The following RDH10 variants were observed in gnomAD, a reference collection of about 807,000 sequenced individuals.
The protein encoded by RDH10 is retinol dehydrogenase 10 (all-trans).
In RDH10, 12 loss-of-function variants were observed where a neutral mutation model predicts 30.2. That is an observed-to-expected ratio of 0.40 (90% CI 0.25 to 0.64). RDH10 has a LOEUF of 0.64. RDH10 is among the 30% of genes least tolerant of loss of function. The pLI is 0.43. For missense variants in RDH10, 268 were observed against 445.2 expected (o/e 0.60, Z 3.58); for synonymous variants, 189 against 172.2 (o/e 1.10, Z -0.76).
intron 2 of RDH10, among the ~76,000 whole-genome samples, chr8:73,299,563 AG>A (rs1402225081): frequency 6.6e-6 from 1 of 152,254 alleles, no homozygotes; most frequent in Non-Finnish European, 1.5e-5. Context: ...CACTATCAGT[AG>A]GTTCATTATG....
rs140208533 is a variant in RDH10 at position 73,309,355 on chromosome 8, G to T, written c.526-9741G>T. Among the ~76,000 whole-genome samples the T allele has an allele frequency of 4.7e-3, 713 of 152,222 alleles. 5 individuals carry two copies. Among genetic ancestry groups the T allele is most frequent in the South Asian group, 0.016 (77 of 4,818 alleles). On this transcript the variant is annotated intron_variant, in intron 2 of 5. Coordinates refer to ENST00000240285, the MANE Select transcript of RDH10 (RefSeq NM_172037.5). ...GTATATTTGTTGTCCTTAAAAGGAA[G>T]TTTTCTTTTTTCAGTTCTCATAATT... is the stretch of plus-strand genomic sequence containing the variant.
chr8:73,316,643 G>A (rs1302533687), intron 2 of RDH10, among the ~76,000 whole-genome samples: 2 of 152,122 alleles, frequency 1.3e-5, no homozygotes, highest in Non-Finnish European at 2.9e-5. Flanking sequence ...ACAGAAATAC[G>A]TGAGACTGGG....
In RDH10 at chr8:73,295,445, C is replaced by G. The variant is rs755300818; in HGVS notation, c.156C>G (p.Phe52Leu). The G allele has an allele frequency of 1.0e-5, 16 of 1,550,306 alleles. No individual in the cohort carries two copies. The highest frequency in any genetic ancestry group is 1.3e-5 in the Non-Finnish European group (15 of 1,148,552). ...CCGGCAGCGGCCTGGGCCGCCTCTT[C>G]GCGCTGGAGTTCGCCCGGCGTCGGG... ...TGAGSGLGRL[F>L]ALEFARRRAL... Residue 52 changes from phenylalanine (F) to leucine (L), a missense_variant, in exon 1 of 6, where the codon TTC becomes TTG. Physicochemically the swap from Phe to Leu is conservative, Grantham distance 22. This residue lies in a region of RDH10 where 42 missense variants were observed against 77.6 expected (regional missense o/e 0.54). Coordinates refer to ENST00000240285, the MANE Select transcript of RDH10 (RefSeq NM_172037.5).
intron 3 of RDH10, 118 bp from the exon 4 acceptor site, chr8:73,320,814 C>A: frequency 3.2e-6 from 3 of 926,932 alleles, no homozygotes; most frequent in African/African-American, 1.7e-5. Flanking sequence ...TTTGTGTAGT[C>A]ACCTGTAACC....
intron 2 of RDH10, among the ~76,000 whole-genome samples, chr8:73,308,285 G>T (rs895155905): frequency 5.3e-5 from 8 of 152,144 alleles, no homozygotes; most frequent in Non-Finnish European, 8.8e-5. Flanking sequence ...ATTCTTATGG[G>T]ATCAGAATTC....
chr8:73,299,448 A>T (rs762509600), intron 2 of RDH10, among the ~76,000 whole-genome samples: 1 of 152,222 alleles, frequency 6.6e-6, no homozygotes, highest in Non-Finnish European at 1.5e-5. Context: ...AATAAAAGAC[A>T]TACATAAGTG....
intron 2 of RDH10, among the ~76,000 whole-genome samples, chr8:73,313,843 T>C (rs1358327162): frequency 6.6e-6 from 1 of 152,214 alleles, no homozygotes; most frequent in African/African-American, 2.4e-5. Context: ...GGGCACCAGC[T>C]CACTCTGGAG....
chr8:73,303,813 T>C (rs1586188924), intron 2 of RDH10, among the ~76,000 whole-genome samples: 1 of 152,218 alleles, frequency 6.6e-6, no homozygotes, highest in East Asian at 1.9e-4. Context: ...GGCCCAAATC[T>C]GTTGCTACTA....
At chr8:73,307,204 T>G (rs1563548690) in intron 2 of RDH10, among the ~76,000 whole-genome samples, 1 of 152,190 alleles carries the variant, frequency 6.6e-6, no homozygotes, top group Non-Finnish European at 1.5e-5. Context: ...GGTGGTGGTG[T>G]TGGAAAGTTT....
At chr8:73,314,473 C>A (rs993708393) in intron 2 of RDH10, among the ~76,000 whole-genome samples, 2 of 152,216 alleles carry the variant, frequency 1.3e-5, no homozygotes, top group African/African-American at 4.8e-5. Context: ...CGCCTCTATT[C>A]AGGCAGCAAA....
At chr8:73,313,917 C>A (rs1486314544) in intron 2 of RDH10, among the ~76,000 whole-genome samples, 1 of 152,210 alleles carries the variant, frequency 6.6e-6, no homozygotes, top group Admixed American at 6.5e-5. Context: ...TCTATCCATC[C>A]TTATACTTGA....
rs1354087616 is a variant in RDH10, at chr8:73,295,205, C to A, written c.-85C>A. 9.2e-6 allele frequency: 12 copies of A among 1,303,062 alleles called. No homozygotes were observed. Among genetic ancestry groups the A allele is most frequent in the Admixed American group, 6.0e-5 (2 of 33,456 alleles). 80.7% of individuals were successfully genotyped at this position (1,303,062 alleles called of 1,614,324 possible). Reference sequence around the variant, plus strand: ...TTCTCGTCCCGGCCTCTGTGACAAGCGCCCCGGAGCCGGGAGCCCGATTGC... The same window carrying A: ...TTCTCGTCCCGGCCTCTGTGACAAGAGCCCCGGAGCCGGGAGCCCGATTGC... On this transcript the variant is annotated 5_prime_UTR_variant, in exon 1 of 6. Coordinates refer to ENST00000240285, the MANE Select transcript of RDH10 (RefSeq NM_172037.5).
chr8:73,322,474 T>C, intron 4 of RDH10: 1 of 503,364 alleles, frequency 2.0e-6, no homozygotes, highest in Non-Finnish European at 3.5e-6. Flanking sequence ...TTTGCTTTTT[T>C]TTCCCAACTT....
At chr8:73,317,976 C>T (rs776143664) in intron 2 of RDH10, among the ~76,000 whole-genome samples, 1 of 118,522 alleles carries the variant, frequency 8.4e-6, no homozygotes, top group African/African-American at 3.2e-5. Flanking sequence ...CATGCAAAAA[C>T]TCAGTGATAC....
intron 2 of RDH10, among the ~76,000 whole-genome samples, chr8:73,315,193 C>T (rs1236404540): frequency 1.4e-5 from 1 of 69,194 alleles, no homozygotes. Context: ...CTCTCTCCCC[C>T]CACCGGCCTC....
At chr8:73,298,808 G>A (rs887535573) in intron 2 of RDH10, among the ~76,000 whole-genome samples, 2 of 151,880 alleles carry the variant, frequency 1.3e-5, no homozygotes, top group Admixed American at 6.6e-5. Context: ...GTGAGCCACC[G>A]CACCTGGCCT....
rs1436746657 is a variant in RDH10 at position 73,295,170 on chromosome 8, G to T, written c.-120G>T. 2.0e-6 allele frequency: 2 copies of T among 1,009,748 alleles called. No homozygotes were observed. The highest frequency in any genetic ancestry group is 2.7e-6 in the Non-Finnish European group (2 of 743,524). The allele number at this position is 1,009,748 out of a possible 1,614,324, so 62.5% of individuals were successfully genotyped here. A position where few individuals can be genotyped will look rare whatever the true frequency, so the allele number is the denominator to read the frequency against. ...GGCGGGCACCTCGGGGGCGGGCGCG[G>T]GGCGCAGCCTTCTCGTCCCGGCCTC... On this transcript the variant is annotated 5_prime_UTR_variant, in exon 1 of 6. Transcript: ENST00000240285.
At chr8:73,316,704 C>T (rs1205739404) in intron 2 of RDH10, among the ~76,000 whole-genome samples, 1 of 152,128 alleles carries the variant, frequency 6.6e-6, no homozygotes, top group East Asian at 1.9e-4. Context: ...GCAGGCTGTA[C>T]AGGAAGCATA....
At chr8:73,295,675 C>T in intron 1 of RDH10, 97 bp downstream of exon 1, 1 of 1,237,058 alleles carries the variant, frequency 8.1e-7, no homozygotes, top group Non-Finnish European at 1.1e-6. Context: ...TGGTCAGCCC[C>T]GCTGTGGAGG....
Sources: gnomAD v4.1 joint callset for allele counts (sites outside exome capture counted in the v4.1 genomes callset) on GRCh38, gnomAD v4.1.1 for gene constraint, gnomAD v4.1.1 regional missense constraint, MANE v1.5 for transcripts, NCBI Gene and HGNC (gene_info 2026-07-23, HGNC 2026-07-21) for gene names.